Variants in NAXD observed in about 807,000 individuals in gnomAD.
The protein encoded by NAXD is NAD(P)HX dehydratase, also known as ATP-dependent (S)-NAD(P)H-hydrate dehydratase.
A neutral mutation model predicts 35.8 loss-of-function variants in NAXD; 22 were observed. The observed-to-expected ratio is 0.62, with a 90% CI of 0.44 to 0.88. The LOEUF (loss-of-function observed/expected upper bound fraction) is 0.88. NAXD is among the 40% of genes least tolerant of loss of function. The pLI, the probability that NAXD is intolerant of heterozygous loss-of-function variation, is 0.00. For synonymous variants in NAXD, 189 were observed against 177.6 expected (o/e 1.06, Z -0.51); for missense variants, 428 against 437.7 (o/e 0.98, Z 0.20).
chr13:110,625,229 G>T lies in NAXD; in HGVS notation c.283G>T (p.Ala95Ser). Reference protein sequence around the residue: ...LSHVFCASAAAPVIKAYSPEL... With the variant: ...LSHVFCASAASPVIKAYSPEL... ...CCACGTGTTCTGTGCCAGTGCGGCC[G>T]CACCTGTGATTAAGGCCTACAGCCC... Residue 95 changes from alanine to serine, a missense_variant, in exon 4 of 10, where the codon GCA (alanine) becomes TCA (serine). By Grantham distance (99) the Ala-to-Ser change is moderately conservative. Around this residue, in one of 3 missense-constraint regions of NAXD, gnomAD observed 208 missense variants for 193.0 expected, o/e 1.08. Transcript: ENST00000680254. 1 of 1,613,850 alleles carries T rather than the reference G, an allele frequency of 6.2e-7. No individual in the cohort carries two copies. Among genetic ancestry groups the T allele is most frequent in the African/African-American group, 1.3e-5 (1 of 75,036 alleles).
At chr13:110,620,148 G>A (rs1463855672) in intron 1 of NAXD, among the ~76,000 whole-genome samples, 2 of 152,100 alleles carry the variant, frequency 1.3e-5, no homozygotes, top group South Asian at 2.1e-4. Context: ...CCATAATTTA[G>A]CCCTCCTGGA....
chr13:110,623,592 C>T (rs1320025306), intron 2 of NAXD, among the ~76,000 whole-genome samples: 1 of 152,256 alleles, frequency 6.6e-6, no homozygotes, highest in African/African-American at 2.4e-5. Flanking sequence ...ACTTTCTTCT[C>T]TCCAGGCAGA....
At chr13:110,619,473 G>GT (rs1218718830) in intron 1 of NAXD, among the ~76,000 whole-genome samples, 2 of 152,076 alleles carry the variant, frequency 1.3e-5, no homozygotes, top group Non-Finnish European at 2.9e-5. Context: ...TTTAACATCC[G>GT]TAAGTTGAAG....
At chr13:110,631,962 C>A (rs960292236) in intron 5 of NAXD, among the ~76,000 whole-genome samples, 1 of 152,186 alleles carries the variant, frequency 6.6e-6, no homozygotes, top group Non-Finnish European at 1.5e-5. Context: ...TTAATATACA[C>A]GGCTTTAGTT....
chr13:110,625,686 C>T (rs1298544175), intron 4 of NAXD, among the ~76,000 whole-genome samples: 1 of 152,258 alleles, frequency 6.6e-6, no homozygotes, highest in Non-Finnish European at 1.5e-5. Flanking sequence ...AGGCAAAAAC[C>T]TGCCCCCGTG....
rs948071546 is a variant in NAXD at position 110,638,712 on chromosome 13, T to C, written c.*184T>C. Reference sequence around the variant, plus strand: ...TATTGCAGCTTTTGGTTAAACTTAATGCATGGTTGGAGATGTTATGGCGAC... The same window carrying C: ...TATTGCAGCTTTTGGTTAAACTTAACGCATGGTTGGAGATGTTATGGCGAC... On this transcript the variant is annotated 3_prime_UTR_variant, in exon 10 of 10. Coordinates refer to ENST00000680254, the MANE Select transcript of NAXD (RefSeq NM_001242882.2). The surrounding 1 kb of genome is among the most constrained non-coding windows in gnomAD (Gnocchi z 5.4). The C allele has an allele frequency of 1.3e-6, 1 of 746,324 alleles. No homozygotes were observed. 46.2% of individuals were successfully genotyped at this position (746,324 alleles called of 1,614,324 possible).
intron 1 of NAXD, among the ~76,000 whole-genome samples, chr13:110,617,973 G>A (rs1313069913): frequency 6.6e-6 from 1 of 152,172 alleles, no homozygotes; most frequent in Non-Finnish European, 1.5e-5. Context: ...TGCGGATGGT[G>A]CCACATTCCT....
chr13:110,616,234 G>T, intron 1 of NAXD: 1 of 166,984 alleles, frequency 6.0e-6, no homozygotes, highest in Non-Finnish European at 1.3e-5. Flanking sequence ...CGAGCTGGCC[G>T]GCTGAGCGGG....
chr13:110,631,087 TAAC>T, intron 5 of NAXD, among the ~76,000 whole-genome samples: 1 of 152,304 alleles, frequency 6.6e-6, no homozygotes, highest in South Asian at 2.1e-4. Context: ...GGGGAATGTC[TAAC>T]AACATTAAGT....
intron 5 of NAXD, among the ~76,000 whole-genome samples, chr13:110,634,290 T>C (rs1296335592): frequency 6.6e-6 from 1 of 152,162 alleles, no homozygotes; most frequent in African/African-American, 2.4e-5. Context: ...GTTTACTGGC[T>C]CACAGTTCTG....
chr13:110,622,083 C>T, intron 1 of NAXD, 133 bp from the exon 2 acceptor site: 1 of 739,450 alleles, frequency 1.4e-6, no homozygotes, highest in Admixed American at 3.2e-5. Flanking sequence ...ATCATATTTG[C>T]TTACAGAAAT....
intron 4 of NAXD, 58 bp downstream of exon 4, chr13:110,625,336 GT>G (rs1176708220): frequency 7.1e-5 from 86 of 1,215,038 alleles, no homozygotes; most frequent in Non-Finnish European, 9.5e-5. Flanking sequence ...ATCATTTGGG[GT>G]TTTGGCACTG....
rs956531101 is a variant in NAXD at position 110,632,251 on chromosome 13, G to A, written c.442-2294G>A. ...GCGTCTGGAGTTGTTCGTTCCTCCCGGTGGGCTCGTGGTCTCGCTGGCTTC... is the reference window on the plus strand; with the variant it reads ...GCGTCTGGAGTTGTTCGTTCCTCCCAGTGGGCTCGTGGTCTCGCTGGCTTC... On this transcript the variant is annotated intron_variant, in intron 5 of 9. Transcript: ENST00000680254. Among the ~76,000 whole-genome samples, 10 of 151,940 alleles carry A rather than the reference G, an allele frequency of 6.6e-5. No individual in the cohort carries two copies. The East Asian group carries it at 1.9e-3, about 29-fold the overall frequency.
Position 110,622,350 on chromosome 13 carries a change from G to T in NAXD, c.181G>T (p.Val61Phe), listed in dbSNP as rs770832128. ...HKGQDGRIGVVGGCQEYTGAP... is the reference protein window; with the variant it reads ...HKGQDGRIGVFGGCQEYTGAP... Reference sequence around the variant, plus strand: ...AGGGCAAGATGGAAGAATAGGCGTAGTTGGAGGCTGTCAGGAGTAAGTAGC... The same window carrying T: ...AGGGCAAGATGGAAGAATAGGCGTATTTGGAGGCTGTCAGGAGTAAGTAGC... The change falls in exon 2 of 10, where the codon GTT becomes TTT. Residue 61 changes from valine to phenylalanine, a missense_variant. This residue lies in a region of NAXD where 208 missense variants were observed against 193.0 expected (regional missense o/e 1.08). Coordinates refer to ENST00000680254, the MANE Select transcript of NAXD (RefSeq NM_001242882.2). 14 of 1,614,094 alleles carry T rather than the reference G, an allele frequency of 8.7e-6. No homozygotes were observed. Among genetic ancestry groups the T allele is most frequent in the Non-Finnish European group, 1.2e-5 (14 of 1,180,032 alleles).
Position 110,622,215 on chromosome 13 carries a change from G to C in NAXD, c.47-1G>C. 12 of 1,610,228 alleles carry C rather than the reference G, an allele frequency of 7.5e-6. No homozygotes were observed. Among genetic ancestry groups the C allele is most frequent in the Non-Finnish European group, 1.0e-5 (12 of 1,177,834 alleles). ...AATTATTCATTTTTCTTGTCTTTCA[G>C]TTTTAGAAAGAGCGTTTTCGCTACG... is the stretch of plus-strand genomic sequence containing the variant. On this transcript the variant is annotated splice_acceptor_variant, in intron 1 of 9. Transcript: ENST00000680254. LOFTEE classifies it high-confidence loss of function.
At chr13:110,637,580 G>C (rs1594187272) in intron 9 of NAXD, among the ~76,000 whole-genome samples, 1 of 152,330 alleles carries the variant, frequency 6.6e-6, no homozygotes, top group African/African-American at 2.4e-5. Context: ...TACTAAGATA[G>C]AAAACAGACA....
chr13:110,635,564 G>A lies in NAXD; in HGVS notation c.694G>A (p.Asp232Asn), dbSNP rs775128133. Residue 232 changes from aspartate to asparagine, a missense_variant, in exon 8 of 10, where the codon GAC becomes AAC. Physicochemically the swap from Asp to Asn is conservative, Grantham distance 23 (BLOSUM62 1). Coordinates refer to ENST00000680254, the MANE Select transcript of NAXD (RefSeq NM_001242882.2). ...NVTVVQKGERDILSNGQQVLV... is the reference protein window; with the variant it reads ...NVTVVQKGERNILSNGQQVLV... ...GACGGTGGTCCAGAAAGGAGAGCGC[G>A]ACATCCTCTCCAACGGCCAGCAGGG... is the stretch of plus-strand genomic sequence containing the variant. 27 of 1,613,960 alleles carry A rather than the reference G, an allele frequency of 1.7e-5. No individual in the cohort carries two copies. Among genetic ancestry groups the A allele is most frequent in the Non-Finnish European group, 2.1e-5 (25 of 1,180,038 alleles).
At chr13:110,631,875 A>G (rs1594180066) in intron 5 of NAXD, among the ~76,000 whole-genome samples, 1 of 152,244 alleles carries the variant, frequency 6.6e-6, no homozygotes, top group Non-Finnish European at 1.5e-5. Flanking sequence ...CTATGGCTGG[A>G]ATGTGCGTCA....
At chr13:110,635,824 C>T (rs1050663699) in intron 8 of NAXD, among the ~76,000 whole-genome samples, 3 of 152,238 alleles carry the variant, frequency 2.0e-5, no homozygotes, top group Non-Finnish European at 4.4e-5. Flanking sequence ...TGGGCCTTAC[C>T]CGTTGGTTGA....
Sources: allele counts gnomAD v4.1 joint callset (sites outside exome capture counted in the v4.1 genomes callset), GRCh38; gene constraint gnomAD v4.1.1; regional missense constraint gnomAD v4.1.1; non-coding constraint Gnocchi (gnomAD v3.1); transcripts MANE v1.5; gene names NCBI Gene and HGNC (gene_info 2026-07-23, HGNC 2026-07-21).